SNAP23: variants seen among roughly 807,000 people sequenced by gnomAD.
The protein encoded by SNAP23 is synaptosome associated protein 23, also known as synaptosomal-associated protein 23.
Under a neutral mutation model 29.0 loss-of-function variants are expected in SNAP23, and 11 were observed. The observed-to-expected ratio is 0.38, with a 90% CI of 0.24 to 0.63. SNAP23 has a LOEUF of 0.63. SNAP23 is among the 20% of genes least tolerant of loss of function. SNAP23 has a pLI of 0.58. For missense variants in SNAP23, 220 were observed against 253.9 expected, an observed-to-expected ratio of 0.87 and a Z score of 0.91; for synonymous variants, 60 against 82.9, an observed-to-expected ratio of 0.72 and a Z score of 1.50.
chr15:42,517,012 C>T (rs1292268378), intron 5 of SNAP23, among the ~76,000 whole-genome samples: 3 of 151,548 alleles, frequency 2.0e-5, no homozygotes, highest in African/African-American at 4.9e-5. Flanking sequence ...TTCCACCTCA[C>T]GGGTTCAAGT....
At chr15:42,513,035 T>C in intron 3 of SNAP23, 39 bp downstream of exon 3, 1 of 1,396,524 alleles carries the variant, frequency 7.2e-7, no homozygotes, top group African/African-American at 1.4e-5. Context: ...TATAGAAATT[T>C]ATAGGAGCGA....
chr15:42,498,720 T>C (rs2057244498), intron 1 of SNAP23, among the ~76,000 whole-genome samples: 1 of 152,216 alleles, frequency 6.6e-6, no homozygotes, highest in Non-Finnish European at 1.5e-5. Context: ...CTTGGTGGTC[T>C]CAGCTCAGTG....
chr15:42,524,383 C>T (rs2057477528), intron 5 of SNAP23, among the ~76,000 whole-genome samples: 1 of 152,184 alleles, frequency 6.6e-6, no homozygotes, highest in African/African-American at 2.4e-5. Context: ...CCCCCCCAGC[C>T]ATGGACCACT....
intron 1 of SNAP23, among the ~76,000 whole-genome samples, chr15:42,503,390 G>A (rs1282180056): frequency 7.7e-6 from 1 of 130,704 alleles, no homozygotes; most frequent in African/African-American, 2.9e-5. Flanking sequence ...TTTTTTTTGA[G>A]ATGGTGTCTC....
chr15:42,519,927 T>G (rs2057429272), intron 5 of SNAP23, among the ~76,000 whole-genome samples: 1 of 152,260 alleles, frequency 6.6e-6, no homozygotes, highest in African/African-American at 2.4e-5. Flanking sequence ...ACATGTTAAT[T>G]TAATCCTTAA....
chr15:42,507,131 T>C (rs2141515610), intron 1 of SNAP23, among the ~76,000 whole-genome samples: 1 of 152,268 alleles, frequency 6.6e-6, no homozygotes, highest in South Asian at 2.1e-4. Context: ...GAAAGACTCT[T>C]TATCAGACCA....
chr15:42,512,619 C>T (rs1292436238), intron 2 of SNAP23, among the ~76,000 whole-genome samples: 4 of 152,052 alleles, frequency 2.6e-5, no homozygotes, highest in African/African-American at 4.8e-5. Flanking sequence ...CCTCGTGATC[C>T]GCCCACCTCA....
At chr15:42,525,451 CTTTTTTTTTTTT>C (rs1158969519) in intron 5 of SNAP23, among the ~76,000 whole-genome samples, 50 of 47,190 alleles carry the variant, frequency 1.1e-3, no homozygotes, top group African/African-American at 2.3e-3. Context: ...ATCCAGTCTT[CTTTTTTTTTTTT>C]TTTTTTTTTT....
At chr15:42,527,081 A>G (rs2057510746) in intron 5 of SNAP23, among the ~76,000 whole-genome samples, 1 of 151,920 alleles carries the variant, frequency 6.6e-6, no homozygotes, top group Admixed American at 6.6e-5. Flanking sequence ...CAGGTGATCC[A>G]CCCACCTTGG....
chr15:42,516,584 C>T (rs149224426), intron 5 of SNAP23, among the ~76,000 whole-genome samples: 1 of 152,282 alleles, frequency 6.6e-6, no homozygotes, highest in African/African-American at 2.4e-5. Flanking sequence ...CCGCCTTAAC[C>T]TCCTCAAGTG....
intron 5 of SNAP23, among the ~76,000 whole-genome samples, chr15:42,517,977 C>T (rs894958227): frequency 6.6e-6 from 1 of 151,732 alleles, no homozygotes; most frequent in Admixed American, 6.6e-5. Flanking sequence ...CCTCCCAAAG[C>T]ACTGGGATTA....
At chr15:42,499,315 G>A (rs1476312361) in intron 1 of SNAP23, among the ~76,000 whole-genome samples, 1 of 152,078 alleles carries the variant, frequency 6.6e-6, no homozygotes, top group Admixed American at 6.6e-5. Context: ...CAGGTGATCC[G>A]CTCGCCTCAG....
At position 42,531,489 on chromosome 15, in the gene SNAP23, G is replaced by A; in HGVS notation, c.*11G>A. ...CTCATTGACAGCTAAAGCTACTGCT[G>A]TTCTTCTTTATCATTTATTCACTTC... On this transcript the variant is annotated 3_prime_UTR_variant, in exon 8 of 8. Transcript: ENST00000249647. The A allele has an allele frequency of 1.3e-6, 2 of 1,591,130 alleles. No homozygotes were observed. Among genetic ancestry groups the A allele is most frequent in the Non-Finnish European group, 1.7e-6 (2 of 1,167,302 alleles).
chr15:42,494,848 T>C (rs761670347), upstream of SNAP23, among the ~76,000 whole-genome samples: 2 of 152,126 alleles, frequency 1.3e-5, no homozygotes, highest in Non-Finnish European at 2.9e-5. Context: ...TTTCCAGCAG[T>C]TTATTTTATT....
At chr15:42,503,063 A>G (rs2057287817) in intron 1 of SNAP23, among the ~76,000 whole-genome samples, 1 of 152,134 alleles carries the variant, frequency 6.6e-6, no homozygotes, top group Admixed American at 6.5e-5. Flanking sequence ...AGCTGGGACT[A>G]TAGGCCTGAA....
intron 5 of SNAP23, among the ~76,000 whole-genome samples, chr15:42,515,558 G>C (rs1275317686): frequency 1.3e-5 from 2 of 152,134 alleles, no homozygotes; most frequent in African/African-American, 4.8e-5. Context: ...ACCAATCCTG[G>C]GATCAAGTCC....
intron 6 of SNAP23, 104 bp from the exon 7 acceptor site, chr15:42,529,571 T>A: frequency 8.6e-7 from 1 of 1,165,280 alleles, no homozygotes; most frequent in Non-Finnish European, 1.2e-6. Context: ...TTGGATCTTA[T>A]ACTTGCTGAG....
upstream of SNAP23, among the ~76,000 whole-genome samples, chr15:42,492,354 T>A (rs2057174857): frequency 6.6e-6 from 1 of 152,092 alleles, no homozygotes; most frequent in African/African-American, 2.4e-5. Flanking sequence ...TTATAACATC[T>A]CTGTTTAACA....
intron 1 of SNAP23, among the ~76,000 whole-genome samples, chr15:42,508,141 T>C (rs1454520176): frequency 6.6e-6 from 1 of 151,780 alleles, no homozygotes; most frequent in Non-Finnish European, 1.5e-5. Context: ...TGCATGCACC[T>C]GTAGTCCCAG....
Sources: gnomAD v4.1 joint callset for allele counts (sites outside exome capture counted in the v4.1 genomes callset) on GRCh38, gnomAD v4.1.1 for gene constraint, MANE v1.5 for transcripts, NCBI Gene and HGNC (gene_info 2026-07-23, HGNC 2026-07-21) for gene names.